RALYL: variants seen among roughly 807,000 people sequenced by gnomAD.
The protein encoded by RALYL is RALY RNA binding protein like.
A neutral mutation model predicts 35.1 loss-of-function variants in RALYL; 29 were observed. The ratio of observed to expected loss-of-function variants is 0.83; its 90% CI spans 0.61 to 1.13. RALYL has a LOEUF of 1.13. Ranked by LOEUF, RALYL falls within the 50% of genes most tolerant of loss-of-function variation. RALYL has a pLI of 0.00. For synonymous variants in RALYL, 120 were observed against 127.6 expected, an observed-to-expected ratio of 0.94 and a Z score of 0.40; for missense variants, 359 against 360.4, an observed-to-expected ratio of 1.00 and a Z score of 0.03.
rs2059139867 is a variant in RALYL at position 84,529,587 on chromosome 8, G to C, written c.256+10G>C. The C allele has an allele frequency of 6.2e-7, 1 of 1,603,312 alleles. No individual in the cohort carries two copies. Among genetic ancestry groups the C allele is most frequent in the Admixed American group, 1.7e-5 (1 of 59,746 alleles). The stretch of plus-strand genomic sequence containing the variant: ...GCCGGCCAACCACTTGGTAAGTCAT[G>C]CTCAGACATGGATCTCACGTTATTG... On this transcript the variant is annotated intron_variant, in intron 2 of 8. Coordinates refer to ENST00000521268, the MANE Select transcript of RALYL (RefSeq NM_173848.7).
chr8:84,436,610 T>C (rs1035071406), intron 1 of RALYL, among the ~76,000 whole-genome samples: 1 of 132,200 alleles, frequency 7.6e-6, no homozygotes, highest in African/African-American at 2.9e-5. Flanking sequence ...GGGAAGACAG[T>C]GGTGGATGTA....
chr8:84,213,316 G>A lies in RALYL; in HGVS notation c.-24+28892G>A, dbSNP rs1032725106. Among the ~76,000 whole-genome samples the A allele has an allele frequency of 3.3e-5, 5 of 152,108 alleles. No homozygotes were observed. The East Asian group carries it at 5.8e-4, about 18-fold the overall frequency. ...TGAGGCAGGAGAATTGCTTGAACCCGGGAGACAGAGGTTGCAGTGAGCCGA... is the reference window on the plus strand; with the variant it reads ...TGAGGCAGGAGAATTGCTTGAACCCAGGAGACAGAGGTTGCAGTGAGCCGA... On this transcript the variant is annotated intron_variant, in intron 1 of 8. Transcript: ENST00000521268.
At chr8:84,861,158 A>G (rs1480948937) in intron 5 of RALYL, among the ~76,000 whole-genome samples, 2 of 152,188 alleles carry the variant, frequency 1.3e-5, no homozygotes, top group African/African-American at 4.8e-5. Context: ...ATAAGAATGT[A>G]ATCCAATATT....
intron 2 of RALYL, among the ~76,000 whole-genome samples, chr8:84,766,718 CT>C (rs1236525356): frequency 3.3e-3 from 205 of 61,852 alleles, no homozygotes; most frequent in Admixed American, 5.5e-3. Flanking sequence ...GTGAGACTGT[CT>C]CAAAAAAAAA....
chr8:84,238,054 A>G (rs938834103), intron 1 of RALYL, among the ~76,000 whole-genome samples: 32 of 152,122 alleles, frequency 2.1e-4, no homozygotes, highest in African/African-American at 4.8e-4. Context: ...AAATGTGAAT[A>G]TATAAGAAGA....
intron 5 of RALYL, among the ~76,000 whole-genome samples, chr8:84,853,712 C>T (rs186079849): frequency 6.6e-6 from 1 of 152,218 alleles, no homozygotes; most frequent in East Asian, 1.9e-4. Flanking sequence ...CAAGAGTTCC[C>T]TATAAACATA....
chr8:84,685,047 T>A (rs922509709), intron 2 of RALYL, among the ~76,000 whole-genome samples: 2 of 152,126 alleles, frequency 1.3e-5, no homozygotes, highest in South Asian at 4.1e-4. Flanking sequence ...TCTTTCCTTA[T>A]GAAGGCACTA....
chr8:84,811,580 G>T (rs61343129), intron 4 of RALYL, among the ~76,000 whole-genome samples: 2,015 of 152,252 alleles, frequency 0.013, 46 homozygotes, highest in African/African-American at 0.046. Flanking sequence ...GGCCAGGGAA[G>T]TTTTCCTCGA....
intron 3 of RALYL, among the ~76,000 whole-genome samples, chr8:84,777,299 T>C (rs1056991668): frequency 1.3e-5 from 2 of 152,136 alleles, no homozygotes; most frequent in Admixed American, 1.3e-4. Flanking sequence ...ACAACACAGA[T>C]AGGGAAAGTA....
intron 2 of RALYL, among the ~76,000 whole-genome samples, chr8:84,622,995 T>C (rs1821900942): frequency 6.6e-6 from 1 of 152,206 alleles, no homozygotes; most frequent in South Asian, 2.1e-4. Flanking sequence ...CTTAAGGCAT[T>C]GTGCACACCA....
chr8:84,753,499 G>C (rs1810577300), intron 2 of RALYL, among the ~76,000 whole-genome samples: 1 of 152,166 alleles, frequency 6.6e-6, no homozygotes, highest in South Asian at 2.1e-4. Flanking sequence ...ATTTGAGTTT[G>C]TGTCCCTGCC....
intron 8 of RALYL, among the ~76,000 whole-genome samples, chr8:84,911,244 T>C (rs978813869): frequency 2.0e-5 from 3 of 152,114 alleles, no homozygotes; most frequent in African/African-American, 7.2e-5. Context: ...ATCCATTGAC[T>C]AGAATATGCT....
At chr8:84,730,191 C>T (rs1845874462) in intron 2 of RALYL, among the ~76,000 whole-genome samples, 2 of 152,022 alleles carry the variant, frequency 1.3e-5, no homozygotes, top group African/African-American at 2.4e-5. Context: ...CCACCATGAT[C>T]AAGTGGGCTT....
At chr8:84,708,275 A>G (rs16913150) in intron 2 of RALYL, among the ~76,000 whole-genome samples, 6,372 of 152,162 alleles carry the variant, frequency 0.042, 452 homozygotes, top group African/African-American at 0.15. Context: ...AAACCTTTGA[A>G]GATTCATGTG....
chr8:84,439,172 G>A (rs1415831407), intron 1 of RALYL, among the ~76,000 whole-genome samples: 1 of 151,864 alleles, frequency 6.6e-6, no homozygotes, highest in East Asian at 1.9e-4. Context: ...AGATTGCTTT[G>A]GGCAGTATGG....
At chr8:84,839,476 C>T (rs988631168) in intron 4 of RALYL, among the ~76,000 whole-genome samples, 6 of 152,346 alleles carry the variant, frequency 3.9e-5, no homozygotes, top group South Asian at 4.1e-4. Flanking sequence ...CCAGGAAGCT[C>T]GAACTGGGTG....
chr8:84,759,736 T>C (rs1019371534), intron 2 of RALYL, among the ~76,000 whole-genome samples: 6 of 152,226 alleles, frequency 3.9e-5, no homozygotes, highest in Admixed American at 3.9e-4. Flanking sequence ...GCACAGATAT[T>C]GTACAGATTC....
At chr8:84,402,049 T>C (rs1563857796) in intron 1 of RALYL, among the ~76,000 whole-genome samples, 1 of 152,206 alleles carries the variant, frequency 6.6e-6, no homozygotes, top group Non-Finnish European at 1.5e-5. Flanking sequence ...GAACACAAGC[T>C]TGAATAATCT....
intron 8 of RALYL, among the ~76,000 whole-genome samples, chr8:84,901,030 G>A (rs1267537561): frequency 1.3e-5 from 2 of 151,998 alleles, no homozygotes; most frequent in Non-Finnish European, 2.9e-5. Context: ...ATCTAAGTTA[G>A]GTTTACACCT....
Sources: gnomAD v4.1 joint callset for allele counts (sites outside exome capture counted in the v4.1 genomes callset) on GRCh38, gnomAD v4.1.1 for gene constraint, MANE v1.5 for transcripts, NCBI Gene and HGNC (gene_info 2026-07-23, HGNC 2026-07-21) for gene names.